Variants in BNC2 observed in about 807,000 individuals in gnomAD.
The protein encoded by BNC2 is zinc finger protein basonuclin-2.
A neutral mutation model predicts 76.3 loss-of-function variants in BNC2; 20 were observed. The ratio of observed to expected loss-of-function variants is 0.26; its 90% confidence interval spans 0.18 to 0.38. The LOEUF (loss-of-function observed/expected upper bound fraction) is 0.38. BNC2 is among the 10% of genes least tolerant of loss of function. The pLI, the probability that BNC2 is intolerant of heterozygous loss-of-function variation, is 1.00. For missense variants in BNC2, 1,382 were observed against 1,399.8 expected (o/e 0.99, Z 0.20); for synonymous variants, 582 against 514.8 (o/e 1.13, Z -1.77).
At chr9:16,709,501 G>A (rs1233819910) in intron 3 of BNC2, among the ~76,000 whole-genome samples, 2 of 152,144 alleles carry the variant, frequency 1.3e-5, no homozygotes, top group Non-Finnish European at 2.9e-5. Context: ...AGAGTTAAGC[G>A]AATTTTGTTT....
At chr9:16,822,661 G>A (rs773742312) in intron 1 of BNC2, among the ~76,000 whole-genome samples, 2 of 152,156 alleles carry the variant, frequency 1.3e-5, no homozygotes, top group African/African-American at 4.8e-5. Context: ...TTGCCCAAAC[G>A]TGTCAAATGC....
chr9:16,838,981 C>T (rs1032990588), intron 1 of BNC2, among the ~76,000 whole-genome samples: 8 of 152,184 alleles, frequency 5.3e-5, no homozygotes, highest in Non-Finnish European at 1.2e-4. Flanking sequence ...TCTTAAGGAA[C>T]ACACGTGAAA....
chr9:16,498,485 C>T (rs899455130), intron 5 of BNC2, among the ~76,000 whole-genome samples: 6 of 149,950 alleles, frequency 4.0e-5, no homozygotes, highest in Non-Finnish European at 7.4e-5. Context: ...AAACACCTAA[C>T]AATGATACAA....
intron 3 of BNC2, among the ~76,000 whole-genome samples, chr9:16,692,374 G>C (rs1823198669): frequency 6.6e-6 from 1 of 152,140 alleles, no homozygotes; most frequent in South Asian, 2.1e-4. Flanking sequence ...TTAGATCTCT[G>C]TTTAAATCTC....
chr9:16,545,743 G>C (rs1818461785), intron 5 of BNC2, among the ~76,000 whole-genome samples: 2 of 152,120 alleles, frequency 1.3e-5, no homozygotes, highest in Admixed American at 6.5e-5. Context: ...TCAGTGATGG[G>C]AGAATAAGCA....
rs993217527 is a variant in BNC2 at position 16,608,132 on chromosome 9, A to G, written c.331-25047T>C. Among the ~76,000 whole-genome samples the G allele has an allele frequency of 1.1e-4, 17 of 152,302 alleles. No individual in the cohort carries two copies. The East Asian group carries it at 1.9e-3, about 17-fold the overall frequency. On this transcript the variant is annotated intron_variant, in intron 3 of 6. Coordinates refer to ENST00000380672, the MANE Select transcript of BNC2 (RefSeq NM_017637.6). ...CTTGTGATTAACTAAATCTACCCTTATCCTCTACTTTCCATGAGCAGAAAA... is the reference window on the plus strand; with the variant it reads ...CTTGTGATTAACTAAATCTACCCTTGTCCTCTACTTTCCATGAGCAGAAAA...
At chr9:16,560,678 T>A (rs184965629) in intron 4 of BNC2, among the ~76,000 whole-genome samples, 1 of 152,314 alleles carries the variant, frequency 6.6e-6, no homozygotes, top group African/African-American at 2.4e-5. Context: ...CAGTGAGCTA[T>A]GATCCTGCAC....
chr9:16,848,867 C>T (rs994136824), intron 1 of BNC2, among the ~76,000 whole-genome samples: 1 of 152,184 alleles, frequency 6.6e-6, no homozygotes, highest in African/African-American at 2.4e-5. Flanking sequence ...TGTCCACGTA[C>T]ACAAACTTTA....
intron 1 of BNC2, among the ~76,000 whole-genome samples, chr9:16,824,897 A>G (rs1179893512): frequency 6.6e-6 from 1 of 151,994 alleles, no homozygotes; most frequent in African/African-American, 2.4e-5. Flanking sequence ...TTGGGAGGGG[A>G]GGGGGAAAAG....
At chr9:16,446,693 G>A (rs896483867) in intron 5 of BNC2, among the ~76,000 whole-genome samples, 3 of 151,948 alleles carry the variant, frequency 2.0e-5, no homozygotes, top group Non-Finnish European at 2.9e-5. Flanking sequence ...TCTTGATTAC[G>A]GACCAGATAA....
At chr9:16,826,473 C>G (rs899953518) in intron 1 of BNC2, among the ~76,000 whole-genome samples, 19 of 152,110 alleles carry the variant, frequency 1.2e-4, no homozygotes, top group African/African-American at 4.6e-4. Flanking sequence ...ATTTATTTAG[C>G]TCTCACATGC....
intron 5 of BNC2, among the ~76,000 whole-genome samples, chr9:16,438,336 A>C (rs1821061506): frequency 1.3e-5 from 2 of 152,238 alleles, no homozygotes; most frequent in Non-Finnish European, 2.9e-5. Context: ...GGATTTAGAC[A>C]GAATAAATGT....
Position 16,436,396 on chromosome 9 carries a change from T to A in BNC2, c.1798A>T (p.Thr600Ser), listed in dbSNP as rs1821015533. The change falls in exon 6 of 7, where the codon ACC becomes TCC. Residue 600 changes from threonine to serine, a missense_variant. By Grantham distance (58) the Thr-to-Ser change is moderately conservative (BLOSUM62 1). This residue lies in a region of BNC2 where 798 missense variants were observed against 775.5 expected (regional missense o/e 1.03). Coordinates refer to ENST00000380672, the MANE Select transcript of BNC2 (RefSeq NM_017637.6). ...PTSPIIPTSG[T>S]IEQHPPPPSE... Reference sequence around the variant, plus strand: ...GGTGGCGGGGGGTGCTGCTCTATGGTACCACTGGTTGGAATGATGGGACTG... The same window carrying A: ...GGTGGCGGGGGGTGCTGCTCTATGGAACCACTGGTTGGAATGATGGGACTG... 1.2e-6 allele frequency: 2 copies of A among 1,614,124 alleles called. No homozygotes were observed. The highest frequency in any genetic ancestry group is 1.3e-5 in the African/African-American group (1 of 75,040).
At chr9:16,440,938 A>T (rs1180133687) in intron 5 of BNC2, among the ~76,000 whole-genome samples, 4 of 152,262 alleles carry the variant, frequency 2.6e-5, no homozygotes, top group Non-Finnish European at 5.9e-5. Flanking sequence ...ACAACAAAGC[A>T]TATTTGCAAA....
At chr9:16,732,862 T>A (rs1233503448) in intron 2 of BNC2, among the ~76,000 whole-genome samples, 1 of 152,226 alleles carries the variant, frequency 6.6e-6, no homozygotes, top group Non-Finnish European at 1.5e-5. Flanking sequence ...CAAGCTTTTG[T>A]AATTCATTTA....
At position 16,803,095 on chromosome 9, in the gene BNC2, A is replaced by G. The variant is rs535122647; in HGVS notation, c.4-64610T>C. 1.5e-3 allele frequency among the ~76,000 whole-genome samples: 234 copies of G among 152,260 alleles called. 2 individuals are homozygous for G. The highest frequency in any genetic ancestry group is 5.1e-3 in the African/African-American group (210 of 41,548). On this transcript the variant is annotated intron_variant, in intron 1 of 6. Transcript: ENST00000380672. ...CTGTTTTAGTGATTGTAGTTTTCCT[A>G]TATTCCTAAACATTTGGACTTGCAG...
At chr9:16,743,795 T>C (rs1014174589) in intron 1 of BNC2, among the ~76,000 whole-genome samples, 2 of 152,148 alleles carry the variant, frequency 1.3e-5, no homozygotes, top group Non-Finnish European at 2.9e-5. Flanking sequence ...TTCTCCCCCA[T>C]TCCATACCAA....
intron 5 of BNC2, among the ~76,000 whole-genome samples, chr9:16,439,977 C>T (rs556236311): frequency 2.1e-4 from 32 of 152,296 alleles, no homozygotes; most frequent in Non-Finnish European, 4.0e-4. Context: ...TCCTGAAGTC[C>T]GGCCATCGCC....
intron 3 of BNC2, among the ~76,000 whole-genome samples, chr9:16,585,770 G>C (rs1280569499): frequency 6.6e-6 from 1 of 152,064 alleles, no homozygotes; most frequent in Non-Finnish European, 1.5e-5. Context: ...GCATTACAAG[G>C]AGACAGTTGG....
Sources: allele counts gnomAD v4.1 joint callset (sites outside exome capture counted in the v4.1 genomes callset), GRCh38; gene constraint gnomAD v4.1.1; regional missense constraint gnomAD v4.1.1; transcripts MANE v1.5; gene names NCBI Gene and HGNC (gene_info 2026-07-23, HGNC 2026-07-21).